MYT1: variants seen among roughly 807,000 people sequenced by gnomAD.
The protein encoded by MYT1 is myelin transcription factor 1.
MYT1 carries 23 observed loss-of-function variants against 123.0 expected under a neutral mutation model. The ratio of observed to expected loss-of-function variants is 0.19; its 90% CI spans 0.13 to 0.26. The LOEUF (loss-of-function observed/expected upper bound fraction) is 0.26. Among genes scored for constraint, MYT1 ranks in the 10% least tolerant of loss-of-function variants. The pLI, the probability that MYT1 is intolerant of heterozygous loss-of-function variation, is 1.00. For synonymous variants in MYT1, 518 were observed against 575.3 expected, an observed-to-expected ratio of 0.90 and a Z score of 1.43; for missense variants, 1,125 against 1,472.5, an observed-to-expected ratio of 0.76 and a Z score of 3.86.
Position 64,166,180 on chromosome 20 carries a change from G to C in MYT1, c.-99+1441G>C, listed in dbSNP as rs1447136284. On this transcript the variant is annotated intron_variant, in intron 1 of 22. Transcript: ENST00000328439. This position sits in a 1 kb window ranked among gnomAD's most constrained non-coding sequence, Gnocchi z 4.9. ...GTAAACAAAAGAGTAAGAGAGCAGG[G>C]ATTGGAGTCCTGTGGTACCAGCCAG... Among the ~76,000 whole-genome samples, 1 of 152,240 alleles carries C rather than the reference G, an allele frequency of 6.6e-6. No individual in the cohort carries two copies. Among genetic ancestry groups the C allele is most frequent in the African/African-American group, 2.4e-5 (1 of 41,466 alleles).
chr20:64,220,032 C>T (rs1191867895), intron 13 of MYT1, 50 bp downstream of exon 13: 3 of 1,435,264 alleles, frequency 2.1e-6, no homozygotes, highest in Non-Finnish European at 2.7e-6. Context: ...GCCAGCTTGC[C>T]CTGCCTGAGG....
At chr20:64,195,354 CTGTGTGTGTGTG>C (rs5741790) in intron 2 of MYT1, among the ~76,000 whole-genome samples, 84 of 98,846 alleles carry the variant, frequency 8.5e-4, no homozygotes, top group African/African-American at 2.6e-3. Flanking sequence ...ATGGTGAGAA[CTGTGTGTGTGTG>C]TGTGTGTGTG....
At position 64,208,535 on chromosome 20, in the gene MYT1, T is replaced by A. The variant is rs59834539; in HGVS notation, c.1291+48T>A. ...CCCTGCAGACTCATCCTTTCACCCC[T>A]GCCCCAGGTGTGCAGATGCAGGCTG... On this transcript the variant is annotated intron_variant, in intron 7 of 22. Coordinates refer to ENST00000328439, the MANE Select transcript of MYT1 (RefSeq NM_004535.3). This position sits in a 1 kb window ranked among gnomAD's most constrained non-coding sequence, Gnocchi z 5.4. The A allele has an allele frequency of 6.5e-7, 1 of 1,531,324 alleles. No individual in the cohort carries two copies. Among genetic ancestry groups the A allele is most frequent in the Admixed American group, 2.0e-5 (1 of 50,814 alleles). 94.9% of individuals were successfully genotyped at this position (1,531,324 alleles called of 1,614,324 possible). A position where few individuals can be genotyped will look rare whatever the true frequency, so the allele number is the denominator to read the frequency against.
In MYT1 at chr20:64,207,584, T is replaced by C; in HGVS notation, c.398-10T>C. The C allele has an allele frequency of 2.5e-6, 4 of 1,607,724 alleles. No homozygotes were observed. The highest frequency in any genetic ancestry group is 3.4e-6 in the Non-Finnish European group (4 of 1,175,964). ...TCTCTGGCCCCCACGTTGATTTTGATTTTGTGCAGGAAGGAGCCCCGTCAA... is the reference window on the plus strand; with the variant it reads ...TCTCTGGCCCCCACGTTGATTTTGACTTTGTGCAGGAAGGAGCCCCGTCAA... On this transcript the variant is annotated splice_polypyrimidine_tract_variant and intron_variant, in intron 6 of 22. Transcript: ENST00000328439.
rs539622338 is a variant in MYT1, at chr20:64,212,761, C to G, written c.1517+623C>G. 2.4e-3 allele frequency among the ~76,000 whole-genome samples: 365 copies of G among 152,172 alleles called. 1 individual carries two copies. The highest frequency in any genetic ancestry group is 0.017 in the Middle Eastern group (5 of 292). ...GTGGAAGTGAAGCTTCCCGACCACCCTCGAGGTGTAGTTGTTGACTGGTCT... is the reference window on the plus strand; with the variant it reads ...GTGGAAGTGAAGCTTCCCGACCACCGTCGAGGTGTAGTTGTTGACTGGTCT... On this transcript the variant is annotated intron_variant, in intron 9 of 22. Coordinates refer to ENST00000328439, the MANE Select transcript of MYT1 (RefSeq NM_004535.3). This position sits in a 1 kb window ranked among gnomAD's most constrained non-coding sequence, Gnocchi z 6.8.
chr20:64,211,853 C>T (rs1983676435), intron 8 of MYT1, among the ~76,000 whole-genome samples, 195 bp from the exon 9 acceptor site: 1 of 151,884 alleles, frequency 6.6e-6, no homozygotes. Context: ...CCTGACCAGG[C>T]TGAGGGTGGG....
Position 64,166,726 on chromosome 20 carries a change from T to C in MYT1, c.-99+1987T>C. Reference sequence around the variant, plus strand: ...TACTCCCTTGAATGCCCCTGGTGCATGAGTGGGGAAACACTCTCTGAGATG... The same window carrying C: ...TACTCCCTTGAATGCCCCTGGTGCACGAGTGGGGAAACACTCTCTGAGATG... On this transcript the variant is annotated intron_variant, in intron 1 of 22. Transcript: ENST00000328439. The surrounding 1 kb of genome is among the most constrained non-coding windows in gnomAD (Gnocchi z 4.9). 6.6e-6 allele frequency among the ~76,000 whole-genome samples: 1 copy of C among 152,206 alleles called. No individual in the cohort carries two copies. The highest frequency in any genetic ancestry group is 1.9e-4 in the East Asian group (1 of 5,202).
intron 1 of MYT1, among the ~76,000 whole-genome samples, chr20:64,188,498 C>G (rs1982875105): frequency 6.6e-6 from 1 of 152,166 alleles, no homozygotes; most frequent in South Asian, 2.1e-4. Context: ...GGCCTTGTCT[C>G]TCAGCTTCTG....
At chr20:64,173,174 C>A (rs956427976) in intron 1 of MYT1, among the ~76,000 whole-genome samples, 7 of 152,114 alleles carry the variant, frequency 4.6e-5, no homozygotes, top group African/African-American at 7.2e-5. Flanking sequence ...TCCAGTTGTG[C>A]CTGATTGGAA....
chr20:64,179,194 T>G (rs1334727868), intron 1 of MYT1, among the ~76,000 whole-genome samples: 2 of 150,742 alleles, frequency 1.3e-5, no homozygotes, highest in Non-Finnish European at 1.5e-5. Flanking sequence ...TGAGATACCC[T>G]TCAACGTGGG....
Position 64,212,027 on chromosome 20 carries a change from C to A in MYT1, c.1427-21C>A. 6.2e-7 allele frequency: 1 copy of A among 1,604,732 alleles called. No individual in the cohort carries two copies. Among genetic ancestry groups the A allele is most frequent in the Non-Finnish European group, 8.5e-7 (1 of 1,172,086 alleles). ...GATTCTCTGACAGCCTCGGCTCCCT[C>A]CACCCCCTGTTCTCTTACAGTCTTA... On this transcript the variant is annotated intron_variant, in intron 8 of 22. Coordinates refer to ENST00000328439, the MANE Select transcript of MYT1 (RefSeq NM_004535.3). This position sits in a 1 kb window ranked among gnomAD's most constrained non-coding sequence, Gnocchi z 6.8.
At chr20:64,180,822 G>A (rs943229787) in intron 1 of MYT1, among the ~76,000 whole-genome samples, 1 of 152,182 alleles carries the variant, frequency 6.6e-6, no homozygotes, top group Non-Finnish European at 1.5e-5. Flanking sequence ...CCAGTGTTAT[G>A]TCTCATACAA....
intron 1 of MYT1, among the ~76,000 whole-genome samples, chr20:64,165,426 A>G (rs1288090258): frequency 6.6e-6 from 1 of 152,116 alleles, no homozygotes; most frequent in East Asian, 1.9e-4. Flanking sequence ...TGTATTTAAA[A>G]CTAAAAATCA....
Position 64,186,056 on chromosome 20 carries a change from G to A in MYT1, c.-98-4007G>A, listed in dbSNP as rs1982790739. 6.6e-6 allele frequency among the ~76,000 whole-genome samples: 1 copy of A among 152,194 alleles called. No individual in the cohort carries two copies. Among genetic ancestry groups the A allele is most frequent in the Non-Finnish European group, 1.5e-5 (1 of 68,034 alleles). ...ACTGCACATCTCCCTGGCCTGTGTT[G>A]GAGTCTCTGGCCAGTGAGGGGTGGT... On this transcript the variant is annotated intron_variant, in intron 1 of 22. Transcript: ENST00000328439. This position sits in a 1 kb window ranked among gnomAD's most constrained non-coding sequence, Gnocchi z 4.3.
At chr20:64,237,421 C>CT in intron 21 of MYT1, 31 bp downstream of exon 21, 1 of 1,509,040 alleles carries the variant, frequency 6.6e-7, no homozygotes. Flanking sequence ...CTCCTGGGCT[C>CT]TTTGCCCACC....
intron 16 of MYT1, among the ~76,000 whole-genome samples, chr20:64,225,020 A>C (rs1156913203): frequency 1.3e-5 from 2 of 152,120 alleles, no homozygotes; most frequent in Non-Finnish European, 2.9e-5. Context: ...AACGACCAAA[A>C]GCCTCCCCTG....
At chr20:64,172,278 T>C (rs1240537691) in intron 1 of MYT1, among the ~76,000 whole-genome samples, 5 of 152,164 alleles carry the variant, frequency 3.3e-5, no homozygotes, top group Non-Finnish European at 7.4e-5. Flanking sequence ...CTGCCTGGGC[T>C]TACCCTACCC....
chr20:64,165,957 G>A (rs1176327011), intron 1 of MYT1, among the ~76,000 whole-genome samples: 1 of 152,138 alleles, frequency 6.6e-6, no homozygotes, highest in Non-Finnish European at 1.5e-5. Flanking sequence ...GGTATGCTCT[G>A]CCTCTGTCTC....
chr20:64,203,283 G>A lies in MYT1; in HGVS notation c.87-1752G>A, dbSNP rs1004028733. Among the ~76,000 whole-genome samples the A allele has an allele frequency of 5.9e-5, 9 of 152,358 alleles. No homozygotes were observed. The highest frequency in any genetic ancestry group is 1.2e-4 in the African/African-American group (5 of 41,588). ...GTCACCTAATTGCCTGATTCACTCA[G>A]TGATGTCATCGGCTAATTGGGACCT... On this transcript the variant is annotated intron_variant, in intron 4 of 22. Transcript: ENST00000328439. This position sits in a 1 kb window ranked among gnomAD's most constrained non-coding sequence, Gnocchi z 5.1.
Sources: gnomAD v4.1 joint callset for allele counts (sites outside exome capture counted in the v4.1 genomes callset) on GRCh38, gnomAD v4.1.1 for gene constraint, Gnocchi (gnomAD v3.1) non-coding constraint, MANE v1.5 for transcripts, NCBI Gene and HGNC (gene_info 2026-07-23, HGNC 2026-07-21) for gene names.